PDZD4: variants seen among roughly 807,000 people sequenced by gnomAD.
PDZD4 encodes the protein PDZ domain containing 4.
Under a neutral mutation model 38.5 loss-of-function variants are expected in PDZD4, and 9 were observed. The ratio of observed to expected loss-of-function variants is 0.23; its 90% CI spans 0.14 to 0.41. The LOEUF (loss-of-function observed/expected upper bound fraction) is 0.41, where lower values mean the gene tolerates loss of function less well. Ranked by LOEUF, PDZD4 falls within the 10% of genes least tolerant of loss-of-function variation. PDZD4 has a pLI of 1.00. For synonymous variants in PDZD4, 349 were observed against 315.7 expected, an observed-to-expected ratio of 1.11 and a Z score of -1.12; for missense variants, 612 against 722.0, an observed-to-expected ratio of 0.85 and a Z score of 1.75.
intron 1 of PDZD4, among the ~76,000 whole-genome samples, chrX:153,809,336 C>T (rs1484462158): frequency 1.8e-5 from 2 of 112,800 alleles, no homozygotes; most frequent in Non-Finnish European, 3.8e-5. Flanking sequence ...CCTGTAATCC[C>T]AGCACTTTGG....
At chrX:153,809,462 C>T (rs1603263205) in intron 1 of PDZD4, among the ~76,000 whole-genome samples, 1 of 112,323 alleles carries the variant, frequency 8.9e-6, no homozygotes, top group East Asian at 2.8e-4. Context: ...TGGTGGGCGC[C>T]TGTAGTCCCA....
chrX:153,829,952 G>T, intron 1 of PDZD4: 2 of 803,523 alleles, frequency 2.5e-6, no homozygotes, highest in Non-Finnish European at 3.1e-6. Flanking sequence ...GCGTGTGCGG[G>T]GAACTGCGCT....
intron 2 of PDZD4, 123 bp from the exon 3 acceptor site, chrX:153,807,492 G>A: frequency 5.5e-6 from 4 of 732,727 alleles, no homozygotes; most frequent in Middle Eastern, 7.4e-4. Flanking sequence ...GCTCTCAAGG[G>A]TGGGTGGCCC....
At chrX:153,811,958 G>A (rs782444629) in intron 1 of PDZD4, among the ~76,000 whole-genome samples, 7 of 111,899 alleles carry the variant, frequency 6.3e-5, no homozygotes, top group Non-Finnish European at 9.4e-5. Flanking sequence ...CAAACACAGC[G>A]ATTATTGGTA....
chrX:153,813,670 C>T (rs1557079235), intron 1 of PDZD4, among the ~76,000 whole-genome samples: 1 of 112,001 alleles, frequency 8.9e-6, no homozygotes, highest in East Asian at 2.8e-4. Context: ...CTTTTAATAC[C>T]TTCTTCAAGG....
intron 1 of PDZD4, among the ~76,000 whole-genome samples, chrX:153,821,673 A>G (rs976000536): frequency 9.0e-6 from 1 of 110,967 alleles, no homozygotes; most frequent in Non-Finnish European, 1.9e-5. Context: ...GCACCTTAAC[A>G]AGGACTTCGG....
chrX:153,819,602 GC>G (rs1304993398), intron 1 of PDZD4, among the ~76,000 whole-genome samples: 2 of 112,270 alleles, frequency 1.8e-5, no homozygotes, highest in African/African-American at 6.5e-5. Context: ...GTTATCCTCT[GC>G]CCGGGGCCGA....
At position 153,807,293 on chromosome X, in the gene PDZD4, C is replaced by T. The variant is rs2064261573; in HGVS notation, c.391G>A (p.Glu131Lys). 2.5e-6 allele frequency: 3 copies of T among 1,210,454 alleles called. No homozygotes were observed. Among genetic ancestry groups the T allele is most frequent in the East Asian group, 3.0e-5 (1 of 33,828 alleles). The change falls in exon 3 of 8, where the codon GAG (glutamate) becomes AAG (lysine). Residue 131 changes from glutamate to lysine, a missense_variant. This residue lies in a region of PDZD4 where 225 missense variants were observed against 311.0 expected (regional missense o/e 0.72). Coordinates refer to ENST00000393758, the MANE Select transcript of PDZD4 (RefSeq NM_001303512.2). The part of the protein sequence containing the change: ...GGPQEADRLD[E>K]LEYEEVELYK... The stretch of plus-strand genomic sequence containing the variant: ...ACCCGGCTCACCTCATACTCCAGCT[C>T]ATCCAAGCGGTCTGCCTCCTGCGGG...
intron 1 of PDZD4, among the ~76,000 whole-genome samples, chrX:153,817,623 G>A (rs898166741): frequency 2.7e-5 from 3 of 111,896 alleles, no homozygotes; most frequent in Non-Finnish European, 5.6e-5. Flanking sequence ...CAGTGGCCAC[G>A]GCTGCACAAC....
chrX:153,818,420 C>T (rs2064384130), intron 1 of PDZD4, among the ~76,000 whole-genome samples: 1 of 110,847 alleles, frequency 9.0e-6, no homozygotes, highest in African/African-American at 3.3e-5. Flanking sequence ...GCCTGAGCAA[C>T]GGACTGAGAC....
At chrX:153,804,966 G>A (rs183257033) in intron 7 of PDZD4, 66 bp from the exon 8 acceptor site, 2 of 1,141,734 alleles carry the variant, frequency 1.8e-6, no homozygotes, top group East Asian at 6.0e-5. Context: ...GGATGTCACA[G>A]GAGGATCGGA....
At chrX:153,806,625 C>T (rs149772496) in intron 4 of PDZD4, 117 bp downstream of exon 4, 6,371 of 635,217 alleles carry the variant, frequency 0.01, 42 homozygotes, top group Non-Finnish European at 0.013. Flanking sequence ...CGCCTCACCA[C>T]GCAGCACCCT....
chrX:153,808,466 C>A lies in PDZD4; in HGVS notation c.190G>T (p.Asp64Tyr). 1 of 1,210,466 alleles carries A rather than the reference C, an allele frequency of 8.3e-7. No homozygotes were observed. The highest frequency in any genetic ancestry group is 3.0e-5 in the East Asian group (1 of 33,766). Reference sequence around the variant, plus strand: ...GTGCCACTGTCCACCAGCTGCAGGTCGTGACAGGAGCTGTCCCCCCGGAGG... The same window carrying A: ...GTGCCACTGTCCACCAGCTGCAGGTAGTGACAGGAGCTGTCCCCCCGGAGG... ...PRLRGDSSCH[D>Y]LQLVDSGTQT... is the part of the protein sequence containing the mutation. The change falls in exon 2 of 8, where the codon GAC (aspartate) becomes TAC (tyrosine). Residue 64 changes from aspartate to tyrosine, a missense_variant. Physicochemically the swap from Asp to Tyr is radical, Grantham distance 160. Transcript: ENST00000393758.
Position 153,804,482 on chromosome X carries a change from C to T in PDZD4, c.1199G>A (p.Ser400Asn). ...CAGCATGGCCATCTCGTGGCCCAGG[C>T]TCTCGTTGCGGTTGACGTCCAGGGC... is the stretch of plus-strand genomic sequence containing the variant. ...NSALDVNRNESLGHEMAMLEE... is the reference protein window; with the variant it reads ...NSALDVNRNENLGHEMAMLEE... Residue 400 changes from serine (S) to asparagine (N), a missense_variant, in exon 8 of 8, where the codon AGC becomes AAC. Physicochemically the swap from Ser to Asn is conservative, Grantham distance 46. Coordinates refer to ENST00000393758, the MANE Select transcript of PDZD4 (RefSeq NM_001303512.2). 3 of 1,210,315 alleles carry T rather than the reference C, an allele frequency of 2.5e-6. No individual in the cohort carries two copies. The highest frequency in any genetic ancestry group is 3.3e-6 in the Non-Finnish European group (3 of 895,569).
chrX:153,806,007 G>A (rs1557076875), intron 5 of PDZD4, 64 bp downstream of exon 5: 8 of 1,127,439 alleles, frequency 7.1e-6, no homozygotes, highest in Admixed American at 2.2e-5. Context: ...TGGCTAAAGA[G>A]AGGTGGCTGG....
chrX:153,822,422 G>C (rs1358609083), intron 1 of PDZD4, among the ~76,000 whole-genome samples: 3 of 111,055 alleles, frequency 2.7e-5, no homozygotes, highest in African/African-American at 9.8e-5. Flanking sequence ...CCTCTGCAGC[G>C]TTTTACAATC....
rs782429821 is a variant in PDZD4, at chrX:153,808,102, G to A, written c.314+240C>T. On this transcript the variant is annotated intron_variant, in intron 2 of 7. Coordinates refer to ENST00000393758, the MANE Select transcript of PDZD4 (RefSeq NM_001303512.2). ...TGAGGCCCTCAACCCTGGCACTTCC[G>A]GCAGCGACGTCCCGGACAGGAGGGT... The A allele has an allele frequency of 6.8e-5, 72 of 1,065,229 alleles. 1 individual carries two copies. Among genetic ancestry groups the A allele is most frequent in the South Asian group, 6.7e-4 (28 of 41,671 alleles). The allele number at this position is 1,065,229 out of a possible 1,213,427, so 87.8% of individuals were successfully genotyped here. A position where few individuals can be genotyped will look rare whatever the true frequency, so the allele number is the denominator to read the frequency against.
At chrX:153,807,402 G>C in intron 2 of PDZD4, 33 bp from the exon 3 acceptor site, 1 of 1,159,129 alleles carries the variant, frequency 8.6e-7, no homozygotes, top group Non-Finnish European at 1.2e-6. Context: ...CAGACCAGCT[G>C]GCCATCCTCT....
At chrX:153,822,837 C>A (rs782498988) in intron 1 of PDZD4, among the ~76,000 whole-genome samples, 3 of 110,784 alleles carry the variant, frequency 2.7e-5, no homozygotes, top group Non-Finnish European at 5.7e-5. Context: ...GCCACTACGC[C>A]TGAGCAATTT....
Sources: gnomAD v4.1 joint callset for allele counts (sites outside exome capture counted in the v4.1 genomes callset) on GRCh38, gnomAD v4.1.1 for gene constraint, gnomAD v4.1.1 regional missense constraint, MANE v1.5 for transcripts, NCBI Gene and HGNC (gene_info 2026-07-23, HGNC 2026-07-21) for gene names.